ADCY2: variants seen among roughly 807,000 people sequenced by gnomAD.
The protein encoded by ADCY2 is adenylate cyclase type 2.
A neutral mutation model predicts 125.2 loss-of-function variants in ADCY2; 31 were observed. The ratio of observed to expected loss-of-function variants is 0.25; its 90% CI spans 0.19 to 0.33. The LOEUF is 0.33. ADCY2 is among the 10% of genes least tolerant of loss of function. ADCY2 has a pLI of 1.00. For missense variants in ADCY2, 904 were observed against 1,418.2 expected (o/e 0.64, Z 5.82); for synonymous variants, 512 against 548.4 (o/e 0.93, Z 0.93).
chr5:7,727,366 G>T, intron 14 of ADCY2, 105 bp downstream of exon 14: 2 of 894,516 alleles, frequency 2.2e-6, no homozygotes, highest in Admixed American at 2.3e-5. Flanking sequence ...AGACAGAGGG[G>T]TGATTTAATG....
chr5:7,593,185 GA>G (rs1736903658), intron 3 of ADCY2, among the ~76,000 whole-genome samples: 1 of 152,084 alleles, frequency 6.6e-6, no homozygotes, highest in Non-Finnish European at 1.5e-5. Flanking sequence ...AAGTAAATTT[GA>G]ACAAAAATTC....
intron 3 of ADCY2, among the ~76,000 whole-genome samples, chr5:7,578,579 CTGTT>C (rs1176211164): frequency 2.0e-5 from 3 of 152,042 alleles, no homozygotes; most frequent in African/African-American, 4.8e-5. Context: ...AATAAATTTT[CTGTT>C]TGTTTATCTG....
intron 3 of ADCY2, among the ~76,000 whole-genome samples, chr5:7,625,924 C>A (rs1212593075): frequency 6.6e-6 from 1 of 152,126 alleles, no homozygotes; most frequent in Non-Finnish European, 1.5e-5. Context: ...ATGGCTAAGC[C>A]CAAAGTCAAG....
chr5:7,608,324 G>T (rs976930445), intron 3 of ADCY2, among the ~76,000 whole-genome samples: 2 of 152,142 alleles, frequency 1.3e-5, no homozygotes, highest in Non-Finnish European at 2.9e-5. Context: ...GCTCACACCT[G>T]TAATCCCAGC....
intron 3 of ADCY2, among the ~76,000 whole-genome samples, chr5:7,543,016 G>A (rs886635270): frequency 2.6e-4 from 39 of 152,328 alleles, no homozygotes; most frequent in South Asian, 4.1e-4. Flanking sequence ...CCAGAGGGGT[G>A]TGCAGACTCT....
intron 10 of ADCY2, among the ~76,000 whole-genome samples, chr5:7,710,452 T>C (rs9687082): frequency 0.044 from 6,750 of 152,214 alleles, 498 homozygotes; most frequent in African/African-American, 0.15. Context: ...ATGAGGAAGA[T>C]AAAATTTAGT....
At chr5:7,642,102 T>C (rs1352031083) in intron 4 of ADCY2, among the ~76,000 whole-genome samples, 1 of 152,202 alleles carries the variant, frequency 6.6e-6, no homozygotes, top group South Asian at 2.1e-4. Flanking sequence ...AATTTCCACA[T>C]GGCCTTCCAC....
At chr5:7,434,580 T>G (rs1222461133) in intron 2 of ADCY2, among the ~76,000 whole-genome samples, 1 of 152,198 alleles carries the variant, frequency 6.6e-6, no homozygotes, top group Non-Finnish European at 1.5e-5. Flanking sequence ...ACATATAAAC[T>G]CCACATGCTC....
At chr5:7,567,686 G>T (rs1349961850) in intron 3 of ADCY2, among the ~76,000 whole-genome samples, 1 of 152,080 alleles carries the variant, frequency 6.6e-6, no homozygotes, top group Non-Finnish European at 1.5e-5. Flanking sequence ...TATTTCTGAT[G>T]TTTCCCAATT....
intron 15 of ADCY2, among the ~76,000 whole-genome samples, chr5:7,747,897 C>T (rs1380265204): frequency 5.9e-5 from 9 of 152,236 alleles, no homozygotes; most frequent in Non-Finnish European, 1.3e-4. Context: ...TGTTGGGTTG[C>T]ACCCAAGTGC....
At chr5:7,707,606 C>G in intron 8 of ADCY2, 100 bp from the exon 9 acceptor site, 2 of 1,431,462 alleles carry the variant, frequency 1.4e-6, no homozygotes, top group Non-Finnish European at 1.9e-6. Flanking sequence ...CTCCTAAGAA[C>G]TTTAGTGGAT....
At chr5:7,755,520 T>C (rs1301867817) in intron 15 of ADCY2, among the ~76,000 whole-genome samples, 5 of 152,198 alleles carry the variant, frequency 3.3e-5, no homozygotes, top group African/African-American at 1.2e-4. Context: ...AACATTGTGT[T>C]TTCTTCATTG....
At chr5:7,463,235 C>A (rs1323705280) in intron 2 of ADCY2, among the ~76,000 whole-genome samples, 1 of 152,132 alleles carries the variant, frequency 6.6e-6, no homozygotes, top group African/African-American at 2.4e-5. Context: ...CTGCTAACGT[C>A]TTTTAAAATC....
chr5:7,773,840 C>A (rs1023587301), intron 18 of ADCY2, among the ~76,000 whole-genome samples: 5 of 152,140 alleles, frequency 3.3e-5, no homozygotes, highest in African/African-American at 1.2e-4. Context: ...TACCAAATTA[C>A]TTCCATAAGC....
intron 3 of ADCY2, among the ~76,000 whole-genome samples, chr5:7,527,303 G>C (rs1028026560): frequency 4.6e-5 from 7 of 152,150 alleles, no homozygotes; most frequent in African/African-American, 1.7e-4. Flanking sequence ...TTATTTCATC[G>C]TACATATACA....
chr5:7,566,919 A>C (rs917381008), intron 3 of ADCY2, among the ~76,000 whole-genome samples: 5 of 152,186 alleles, frequency 3.3e-5, no homozygotes, highest in African/African-American at 1.2e-4. Flanking sequence ...ATTATAGTTT[A>C]TTTCAAGTCT....
chr5:7,488,926 G>C (rs1223856751), intron 2 of ADCY2, among the ~76,000 whole-genome samples: 1 of 152,160 alleles, frequency 6.6e-6, no homozygotes, highest in Non-Finnish European at 1.5e-5. Flanking sequence ...ACCCATGAAT[G>C]AGCCTCCCCT....
intron 2 of ADCY2, among the ~76,000 whole-genome samples, chr5:7,437,348 G>T (rs1740843931): frequency 6.6e-6 from 1 of 152,154 alleles, no homozygotes; most frequent in Non-Finnish European, 1.5e-5. Context: ...CAAGGCCCCT[G>T]CAGGAGGAAA....
chr5:7,483,422 A>C (rs1742810071), intron 2 of ADCY2, among the ~76,000 whole-genome samples: 1 of 152,140 alleles, frequency 6.6e-6, no homozygotes, highest in Admixed American at 6.5e-5. Flanking sequence ...TACATAAAAA[A>C]AAAAAAGCAT....
Sources: gnomAD v4.1 joint callset for allele counts (sites outside exome capture counted in the v4.1 genomes callset) on GRCh38, gnomAD v4.1.1 for gene constraint, MANE v1.5 for transcripts, NCBI Gene and HGNC (gene_info 2026-07-23, HGNC 2026-07-21) for gene names.